Variants in KCNH8 observed in about 807,000 individuals in gnomAD.
KCNH8 encodes the protein voltage-gated delayed rectifier potassium channel KCNH8.
Under a neutral mutation model 103.6 loss-of-function variants are expected in KCNH8, and 70 were observed. The observed-to-expected ratio is 0.68, with a 90% confidence interval of 0.56 to 0.82. The LOEUF (loss-of-function observed/expected upper bound fraction) is 0.82. KCNH8 is among the 40% of genes least tolerant of loss of function. KCNH8 has a pLI of 0.00. For synonymous variants in KCNH8, 498 were observed against 489.4 expected, an observed-to-expected ratio of 1.02 and a Z score of -0.23; for missense variants, 1,217 against 1,329.9, an observed-to-expected ratio of 0.92 and a Z score of 1.32.
At chr3:19,495,156 T>G (rs1441768399) in intron 11 of KCNH8, among the ~76,000 whole-genome samples, 1 of 152,184 alleles carries the variant, frequency 6.6e-6, no homozygotes, top group Non-Finnish European at 1.5e-5. Flanking sequence ...GGTTGTCTTT[T>G]CACTCTGCTG....
At chr3:19,198,061 C>A (rs2063619637) in intron 1 of KCNH8, among the ~76,000 whole-genome samples, 1 of 152,000 alleles carries the variant, frequency 6.6e-6, no homozygotes, top group African/African-American at 2.4e-5. Flanking sequence ...ATAATTCTAG[C>A]ATGTTATAAT....
At chr3:19,507,352 C>T (rs1288353501) in intron 11 of KCNH8, among the ~76,000 whole-genome samples, 2 of 152,122 alleles carry the variant, frequency 1.3e-5, no homozygotes, top group Admixed American at 6.5e-5. Flanking sequence ...TGGGTGTGCT[C>T]AGCTATGATG....
At chr3:19,273,203 T>A (rs2064615293) in intron 2 of KCNH8, among the ~76,000 whole-genome samples, 1 of 152,224 alleles carries the variant, frequency 6.6e-6, no homozygotes, top group Admixed American at 6.5e-5. Flanking sequence ...CCTTGTGCAA[T>A]TAGAGAGGGT....
intron 6 of KCNH8, among the ~76,000 whole-genome samples, chr3:19,394,758 G>A (rs182118645): frequency 1.7e-3 from 257 of 152,096 alleles, no homozygotes; most frequent in Admixed American, 3.7e-3. Flanking sequence ...AATATGTGTA[G>A]GGGATTTGAG....
At chr3:19,490,104 G>T (rs2068287014) in intron 11 of KCNH8, among the ~76,000 whole-genome samples, 1 of 152,200 alleles carries the variant, frequency 6.6e-6, no homozygotes, top group Admixed American at 6.5e-5. Context: ...GTGCTCTCAG[G>T]ATCTGCATCG....
At chr3:19,519,710 C>A (rs2068939218) in intron 15 of KCNH8, among the ~76,000 whole-genome samples, 1 of 151,752 alleles carries the variant, frequency 6.6e-6, no homozygotes, top group Non-Finnish European at 1.5e-5. Context: ...ATGCAACTCC[C>A]CGTTGGAGAA....
intron 1 of KCNH8, among the ~76,000 whole-genome samples, chr3:19,172,164 G>T (rs2063354666): frequency 6.6e-6 from 1 of 152,120 alleles, no homozygotes; most frequent in Non-Finnish European, 1.5e-5. Flanking sequence ...AAATATTATT[G>T]TAAATTTTGC....
intron 1 of KCNH8, among the ~76,000 whole-genome samples, chr3:19,166,329 A>G (rs1559404731): frequency 6.6e-6 from 1 of 152,204 alleles, no homozygotes; most frequent in Non-Finnish European, 1.5e-5. Flanking sequence ...TACCTGTGAG[A>G]TACATAAAAA....
chr3:19,509,620 T>C (rs572809605), intron 11 of KCNH8, among the ~76,000 whole-genome samples: 4 of 152,318 alleles, frequency 2.6e-5, no homozygotes, highest in African/African-American at 9.6e-5. Flanking sequence ...GAATAAGATA[T>C]ATATTTTTCC....
chr3:19,515,329 G>A lies in KCNH8; in HGVS notation c.2443G>A (p.Asp815Asn), dbSNP rs373726349. ...TTCCTTTATTTTAAGTAGGATTGTT[G>A]ATGGAATTGAAGATGGAAACAGCAG... is the stretch of plus-strand genomic sequence containing the variant. ...GPPDLSPRIVDGIEDGNSSEE... is the reference protein window; with the variant it reads ...GPPDLSPRIVNGIEDGNSSEE... Residue 815 changes from aspartate (D) to asparagine (N), a missense_variant, in exon 14 of 16, where the codon GAT (aspartate) becomes AAT (asparagine). Asp to Asn is a conservative substitution (Grantham distance 23, BLOSUM62 1). Around this residue, in one of 3 missense-constraint regions of KCNH8, gnomAD observed 558 missense variants for 495.8 expected, o/e 1.13. Transcript: ENST00000328405. The A allele has an allele frequency of 6.3e-7, 1 of 1,585,500 alleles. No individual in the cohort carries two copies. The highest frequency in any genetic ancestry group is 1.4e-5 in the African/African-American group (1 of 73,658).
intron 10 of KCNH8, among the ~76,000 whole-genome samples, chr3:19,452,006 G>T (rs2067455514): frequency 6.6e-6 from 1 of 152,114 alleles, no homozygotes; most frequent in Non-Finnish European, 1.5e-5. Context: ...GGTCTTCATT[G>T]AAATATAAAA....
At chr3:19,377,992 A>C (rs538272135) in intron 5 of KCNH8, among the ~76,000 whole-genome samples, 17 of 152,204 alleles carry the variant, frequency 1.1e-4, no homozygotes, top group African/African-American at 3.6e-4. Context: ...TTCTTACCTA[A>C]TGTTCTGGGT....
At chr3:19,321,447 ATTC>A in intron 3 of KCNH8, among the ~76,000 whole-genome samples, 1 of 150,858 alleles carries the variant, frequency 6.6e-6, no homozygotes, top group South Asian at 2.1e-4. Flanking sequence ...CCTAATGATC[ATTC>A]AAGAGCAGGT....
In KCNH8 at chr3:19,253,650, A is replaced by G. The variant is rs111725285; in HGVS notation, c.77-4A>G. Reference sequence around the variant, plus strand: ...CTGAGTATCTTCTCCTTGTTTTTCTATAGATAGCAACTTCATCCTTGCCAA... The same window carrying G: ...CTGAGTATCTTCTCCTTGTTTTTCTGTAGATAGCAACTTCATCCTTGCCAA... On this transcript the variant is annotated splice_polypyrimidine_tract_variant and splice_region_variant and intron_variant, in intron 1 of 15. Coordinates refer to ENST00000328405, the MANE Select transcript of KCNH8 (RefSeq NM_144633.3). The G allele has an allele frequency of 2.8e-5, 45 of 1,604,916 alleles. 3 individuals carry two copies. The highest frequency in any genetic ancestry group is 1.3e-4 in the Admixed American group (8 of 59,758).
In KCNH8 at chr3:19,390,519, T is replaced by C. The variant is rs765741518; in HGVS notation, c.850T>C (p.Ser284Pro). 6.2e-7 allele frequency: 1 copy of C among 1,613,136 alleles called. No homozygotes were observed. ...TTTCCGAACAACTTATGTCAGCAAG[T>C]CTGGCCAAGTTATCTTTGAAGCAAG... is the stretch of plus-strand genomic sequence containing the variant. ...LNFRTTYVSK[S>P]GQVIFEARSI... Residue 284 changes from serine (S) to proline (P), a missense_variant, in exon 6 of 16, where the codon TCT becomes CCT. Around this residue, in one of 3 missense-constraint regions of KCNH8, gnomAD observed 415 missense variants for 577.4 expected, o/e 0.72. Transcript: ENST00000328405.
At chr3:19,170,683 C>T (rs147791545) in intron 1 of KCNH8, among the ~76,000 whole-genome samples, 4,540 of 139,948 alleles carry the variant, frequency 0.032, 238 homozygotes, top group African/African-American at 0.12. Context: ...TACACACACA[C>T]ATATATACAC....
At chr3:19,151,039 G>A (rs2063124016) in intron 1 of KCNH8, among the ~76,000 whole-genome samples, 1 of 151,448 alleles carries the variant, frequency 6.6e-6, no homozygotes, top group African/African-American at 2.4e-5. Context: ...TTGAATAGCA[G>A]GATGACTTGA....
At chr3:19,300,368 C>T (rs1313882435) in intron 3 of KCNH8, among the ~76,000 whole-genome samples, 2 of 152,160 alleles carry the variant, frequency 1.3e-5, no homozygotes, top group East Asian at 1.9e-4. Context: ...TATAGGAAGA[C>T]TCACCATGGG....
chr3:19,408,217 A>C (rs1313744335), intron 7 of KCNH8, among the ~76,000 whole-genome samples: 3 of 152,138 alleles, frequency 2.0e-5, no homozygotes, highest in Admixed American at 1.3e-4. Flanking sequence ...TGCTAAAAGA[A>C]GTACGTAGAC....
Sources: allele counts gnomAD v4.1 joint callset (sites outside exome capture counted in the v4.1 genomes callset), GRCh38; gene constraint gnomAD v4.1.1; regional missense constraint gnomAD v4.1.1; transcripts MANE v1.5; gene names NCBI Gene and HGNC (gene_info 2026-07-23, HGNC 2026-07-21).